ARMC5: variants seen among roughly 807,000 people sequenced by gnomAD.
The protein encoded by ARMC5 is armadillo repeat containing 5, also known as armadillo repeat-containing protein 5.
In ARMC5, 28 loss-of-function variants were observed where a neutral mutation model predicts 60.5. The observed-to-expected ratio is 0.46, with a 90% confidence interval of 0.34 to 0.63. The LOEUF (loss-of-function observed/expected upper bound fraction) is 0.63. Among genes scored for constraint, ARMC5 ranks in the 30% least tolerant of loss-of-function variants. ARMC5 has a pLI of 0.01. For synonymous variants in ARMC5, 680 were observed against 607.3 expected, an observed-to-expected ratio of 1.12 and a Z score of -1.76; for missense variants, 1,189 against 1,304.9, an observed-to-expected ratio of 0.91 and a Z score of 1.37.
rs770929899 is a variant in ARMC5, at chr16:31,461,997, A to C, written c.551A>C (p.Glu184Ala). ...CGTGCCCTGGGGAACTTAGCCATGG[A>C]ACCTGAGAGCTGTGGGGACATCCAC... ...TARALGNLAMEPESCGDIHCA... is the reference protein window; with the variant it reads ...TARALGNLAMAPESCGDIHCA... Residue 184 changes from glutamate to alanine, a missense_variant, in exon 2 of 6, where the codon GAA becomes GCA. Glu to Ala is a moderately radical substitution (Grantham distance 107). Transcript: ENST00000268314. 2.5e-6 allele frequency: 4 copies of C among 1,614,170 alleles called. No individual in the cohort carries two copies. In the South Asian group the frequency reaches 4.4e-5, roughly 18 times the overall value.
upstream of ARMC5, chr16:31,458,471 A>G (rs1283513441): frequency 6.5e-7 from 1 of 1,535,618 alleles, no homozygotes; most frequent in Non-Finnish European, 8.7e-7. Context: ...TCAGAGCCAC[A>G]TCGGAAGCTT....
upstream of ARMC5, chr16:31,458,304 G>C: frequency 8.5e-7 from 1 of 1,175,570 alleles, no homozygotes; most frequent in East Asian, 2.6e-5. Context: ...TCAGCGGTAA[G>C]GCTTTTAGCG....
rs202056991 is a variant in ARMC5 at position 31,462,908 on chromosome 16, G to A, written c.1361G>A (p.Arg454Gln). ...TPERAQGGSF[R>Q]SLRSWLISEG... ...GAGCGGGCACAGGGTGGAAGCTTCCGGAGCCTCAGGTGAGTCCCTGCCTCA... is the reference window on the plus strand; with the variant it reads ...GAGCGGGCACAGGGTGGAAGCTTCCAGAGCCTCAGGTGAGTCCCTGCCTCA... The change falls in exon 3 of 6, where the codon CGG becomes CAG. Residue 454 changes from arginine (R) to glutamine (Q), a missense_variant. This residue lies in a region of ARMC5 where 862 missense variants were observed against 1,071.2 expected (regional missense o/e 0.80). Coordinates refer to ENST00000268314, the MANE Select transcript of ARMC5 (RefSeq NM_001105247.2). This position sits in a 1 kb window ranked among gnomAD's most constrained non-coding sequence, Gnocchi z 7.2. The A allele has an allele frequency of 8.8e-6, 14 of 1,589,688 alleles. No individual in the cohort carries two copies. In the East Asian group the frequency reaches 1.4e-4, roughly 15 times the overall value.
chr16:31,461,229 C>A (rs962217719), intron 1 of ARMC5, among the ~76,000 whole-genome samples: 1 of 152,114 alleles, frequency 6.6e-6, no homozygotes, highest in Non-Finnish European at 1.5e-5. Context: ...TTGACTCCCC[C>A]CTTCCTATTC....
chr16:31,463,701 C>G (rs2082324580), intron 3 of ARMC5, among the ~76,000 whole-genome samples: 1 of 152,094 alleles, frequency 6.6e-6, no homozygotes, highest in Non-Finnish European at 1.5e-5. Context: ...AGCCACCATG[C>G]CCAGCCCCCA....
chr16:31,463,863 C>G (rs2082326120), intron 3 of ARMC5, among the ~76,000 whole-genome samples: 1 of 152,170 alleles, frequency 6.6e-6, no homozygotes, highest in Admixed American at 6.5e-5. Flanking sequence ...AGTGCTTCTA[C>G]CCAGCACCTA....
At chr16:31,459,178 C>T (rs2082274443), upstream of ARMC5, 4 of 1,518,242 alleles carry the variant, frequency 2.6e-6, no homozygotes, top group Non-Finnish European at 3.5e-6. Context: ...GGGCACGGCA[C>T]GAAGGCTCCG....
rs1306044293 is a variant in ARMC5, at chr16:31,462,266, G to A, written c.719G>A (p.Arg240His). 7.5e-6 allele frequency: 12 copies of A among 1,609,412 alleles called. No homozygotes were observed. The highest frequency in any genetic ancestry group is 6.7e-5 in the East Asian group (3 of 44,882). ...GCCTTGGCACAGCAGGGAGCAGTGCGTCCGCTGGCCGAGCTCCTGGCCACT... is the reference window on the plus strand; with the variant it reads ...GCCTTGGCACAGCAGGGAGCAGTGCATCCGCTGGCCGAGCTCCTGGCCACT... ...RLALAQQGAV[R>H]PLAELLATAP... Residue 240 changes from arginine (R) to histidine (H), a missense_variant, in exon 3 of 6, where the codon CGT becomes CAT. Arg to His is a conservative substitution (Grantham distance 29, BLOSUM62 0). Around this residue, in one of 2 missense-constraint regions of ARMC5, gnomAD observed 862 missense variants for 1,071.2 expected, o/e 0.80. Transcript: ENST00000268314. This position sits in a 1 kb window ranked among gnomAD's most constrained non-coding sequence, Gnocchi z 7.2.
chr16:31,458,946 T>C (rs1041559245), upstream of ARMC5: 1 of 1,535,576 alleles, frequency 6.5e-7, no homozygotes, highest in South Asian at 1.2e-5. Flanking sequence ...CACAAGCCCG[T>C]CACTCTAGGA....
In ARMC5 at chr16:31,464,930, C is replaced by G; in HGVS notation, c.1864+43C>G. On this transcript the variant is annotated intron_variant, in intron 4 of 5. Transcript: ENST00000268314. This position sits in a 1 kb window ranked among gnomAD's most constrained non-coding sequence, Gnocchi z 7.6. ...CCCGTCTCCTTGCCCCCATGTGAGT[C>G]CCCATCCTCCCCCATGGCTTCCATG... 1 of 1,611,586 alleles carries G rather than the reference C, an allele frequency of 6.2e-7. No homozygotes were observed. The highest frequency in any genetic ancestry group is 8.5e-7 in the Non-Finnish European group (1 of 1,179,410).
chr16:31,462,120 C>G lies in ARMC5; in HGVS notation c.584-11C>G. 1.2e-6 allele frequency: 2 copies of G among 1,612,020 alleles called. No individual in the cohort carries two copies. The highest frequency in any genetic ancestry group is 8.5e-7 in the Non-Finnish European group (1 of 1,178,724). On this transcript the variant is annotated splice_polypyrimidine_tract_variant and intron_variant, in intron 2 of 5. Coordinates refer to ENST00000268314, the MANE Select transcript of ARMC5 (RefSeq NM_001105247.2). The surrounding 1 kb of genome is among the most constrained non-coding windows in gnomAD (Gnocchi z 7.2). Reference sequence around the variant, plus strand: ...TTGTTCACCCTCTGTGCTCCCCTTTCCTGCCCTCAGGTGCTGTTCCCCTGC... The same window carrying G: ...TTGTTCACCCTCTGTGCTCCCCTTTGCTGCCCTCAGGTGCTGTTCCCCTGC...
At chr16:31,458,445 G>A (rs377180055), upstream of ARMC5, 3 of 1,535,770 alleles carry the variant, frequency 2.0e-6, no homozygotes, top group East Asian at 4.9e-5. Flanking sequence ...TGTGTACCCA[G>A]TGGTGCTTAA....
chr16:31,459,295 C>T (rs1427475758), upstream of ARMC5: 1 of 1,534,768 alleles, frequency 6.5e-7, no homozygotes, highest in South Asian at 1.2e-5. Flanking sequence ...CGGACCACAT[C>T]TCCCTCATGC....
chr16:31,458,724 C>T (rs1020763432), upstream of ARMC5: 4 of 1,469,066 alleles, frequency 2.7e-6, no homozygotes, highest in African/African-American at 2.8e-5. Flanking sequence ...CCTCGCAATC[C>T]AGGGGTGACC....
Position 31,464,335 on chromosome 16 carries a change from G to T in ARMC5, c.1371-59G>T, listed in dbSNP as rs941807751. 7.7e-6 allele frequency: 9 copies of T among 1,174,034 alleles called. No homozygotes were observed. Among genetic ancestry groups the T allele is most frequent in the African/African-American group, 6.4e-5 (4 of 62,016 alleles). The allele number at this position is 1,174,034 out of a possible 1,614,324, so 72.7% of individuals were successfully genotyped here. The stretch of plus-strand genomic sequence containing the variant: ...AAAAAAAGACGCCTCACGCCTCTTG[G>T]ACTCTGCCCCTTAACCTTGGCTCTG... On this transcript the variant is annotated intron_variant, in intron 3 of 5. Coordinates refer to ENST00000268314, the MANE Select transcript of ARMC5 (RefSeq NM_001105247.2). The surrounding 1 kb of genome is among the most constrained non-coding windows in gnomAD (Gnocchi z 7.6).
rs761503162 is a variant in ARMC5 at position 31,462,287 on chromosome 16, C to T, written c.740C>T (p.Ala247Val). Residue 247 changes from alanine to valine, a missense_variant, in exon 3 of 6, where the codon GCC becomes GTC. Coordinates refer to ENST00000268314, the MANE Select transcript of ARMC5 (RefSeq NM_001105247.2). The surrounding 1 kb of genome is among the most constrained non-coding windows in gnomAD (Gnocchi z 7.2). ...GTGCGTCCGCTGGCCGAGCTCCTGG[C>T]CACTGCCCCAGATGCTGCACTGACC... The part of the protein sequence containing the change: ...GAVRPLAELL[A>V]TAPDAALTLA... 1.2e-6 allele frequency: 2 copies of T among 1,609,880 alleles called. No individual in the cohort carries two copies. Among genetic ancestry groups the T allele is most frequent in the East Asian group, 4.5e-5 (2 of 44,874 alleles).
chr16:31,462,443 A>G lies in ARMC5; in HGVS notation c.896A>G (p.Glu299Gly), dbSNP rs2082312364. 1 of 1,612,578 alleles carries G rather than the reference A, an allele frequency of 6.2e-7. No homozygotes were observed. The highest frequency in any genetic ancestry group is 1.7e-5 in the Admixed American group (1 of 59,968). ...TCCCACCCCAAGCGGGCAGTACGCG[A>G]GGGAACCATTCTGATCCTCGCCAAC... ...LASHPKRAVR[E>G]GTILILANLC... is the part of the protein sequence containing the mutation. Residue 299 changes from glutamate (E) to glycine (G), a missense_variant, in exon 3 of 6, where the codon GAG becomes GGG. By Grantham distance (98) the Glu-to-Gly change is moderately conservative. Transcript: ENST00000268314. The surrounding 1 kb of genome is among the most constrained non-coding windows in gnomAD (Gnocchi z 7.2).
At position 31,459,524 on chromosome 16, in the gene ARMC5, G is replaced by A; in HGVS notation, c.-1G>A. On this transcript the variant is annotated 5_prime_UTR_variant, in exon 1 of 6. Coordinates refer to ENST00000268314, the MANE Select transcript of ARMC5 (RefSeq NM_001105247.2). ...GGGCGGAGTCTGAGGCCCGAGCCAAGATGGCGGCTGCGAAGCCAACCCTCA... is the reference window on the plus strand; with the variant it reads ...GGGCGGAGTCTGAGGCCCGAGCCAAAATGGCGGCTGCGAAGCCAACCCTCA... 1 of 1,601,894 alleles carries A rather than the reference G, an allele frequency of 6.2e-7. No homozygotes were observed. Among genetic ancestry groups the A allele is most frequent in the Non-Finnish European group, 8.5e-7 (1 of 1,177,202 alleles).
Position 31,459,840 on chromosome 16 carries a change from G to GCGT in ARMC5, c.319_321dup (p.Ser107dup), listed in dbSNP as rs1331230249. On this transcript the variant is annotated inframe_insertion, in exon 1 of 6. Coordinates refer to ENST00000268314, the MANE Select transcript of ARMC5 (RefSeq NM_001105247.2). ...GTCGGGAGCTTCTAGCCCCGCCCCC[G>GCGT]CGTCGGGCCCCGCCCCCTCCGCTGT... 6.4e-7 allele frequency: 1 copy of GCGT among 1,573,464 alleles called. No individual in the cohort carries two copies. The highest frequency in any genetic ancestry group is 1.8e-5 in the Admixed American group (1 of 55,032).
Sources: gnomAD v4.1 joint callset for allele counts (sites outside exome capture counted in the v4.1 genomes callset) on GRCh38, gnomAD v4.1.1 for gene constraint, gnomAD v4.1.1 regional missense constraint, Gnocchi (gnomAD v3.1) non-coding constraint, MANE v1.5 for transcripts, NCBI Gene and HGNC (gene_info 2026-07-23, HGNC 2026-07-21) for gene names.